Variants in PIEZO2 observed in about 807,000 individuals in gnomAD.
PIEZO2 encodes piezo type mechanosensitive ion channel component 2.
A neutral mutation model predicts 337.3 loss-of-function variants in PIEZO2; 172 were observed. The observed-to-expected ratio is 0.51, with a 90% CI of 0.45 to 0.58. The LOEUF is 0.58. Ranked by LOEUF, PIEZO2 falls within the 20% of genes least tolerant of loss-of-function variation. The pLI is 0.00. For synonymous variants in PIEZO2, 1,251 were observed against 1,228.5 expected (o/e 1.02, Z -0.38); for missense variants, 3,028 against 3,391.3 (o/e 0.89, Z 2.66).
At chr18:10,948,204 A>C (rs1442851516) in intron 3 of PIEZO2, among the ~76,000 whole-genome samples, 4 of 152,168 alleles carry the variant, frequency 2.6e-5, no homozygotes, top group Non-Finnish European at 5.9e-5. Flanking sequence ...ATATATAATA[A>C]AAATTTAAAT....
At chr18:10,720,425 A>G (rs1246355452) in intron 36 of PIEZO2, among the ~76,000 whole-genome samples, 79 of 1,830 alleles carry the variant, frequency 0.043, no homozygotes, top group South Asian at 0.086. Flanking sequence ...GTATGTATAT[A>G]TATATATATA....
At chr18:10,708,993 T>C (rs2035706045) in intron 39 of PIEZO2, among the ~76,000 whole-genome samples, 1 of 152,184 alleles carries the variant, frequency 6.6e-6, no homozygotes, top group Non-Finnish European at 1.5e-5. Flanking sequence ...TTTGGAGTGA[T>C]ATTCAGTTAA....
At chr18:11,050,536 C>T (rs903943899) in intron 2 of PIEZO2, among the ~76,000 whole-genome samples, 1 of 151,194 alleles carries the variant, frequency 6.6e-6, no homozygotes, top group African/African-American at 2.4e-5. Flanking sequence ...CACACACACA[C>T]ACACACACAC....
chr18:10,890,000 T>A (rs922026280), intron 4 of PIEZO2, among the ~76,000 whole-genome samples: 1 of 152,216 alleles, frequency 6.6e-6, no homozygotes, highest in Non-Finnish European at 1.5e-5. Flanking sequence ...TGTCCATAAT[T>A]ATACACAGCC....
At chr18:11,053,282 C>G (rs935272602) in intron 2 of PIEZO2, among the ~76,000 whole-genome samples, 1 of 151,962 alleles carries the variant, frequency 6.6e-6, no homozygotes, top group Admixed American at 6.6e-5. Context: ...GAGTAGTACA[C>G]CAAAAAAACC....
chr18:11,047,201 C>T lies in PIEZO2; in HGVS notation c.160+18926G>A, dbSNP rs995527495. On this transcript the variant is annotated intron_variant, in intron 2 of 55. Transcript: ENST00000674853. This position sits in a 1 kb window ranked among gnomAD's most constrained non-coding sequence, Gnocchi z 7.2. Reference sequence around the variant, plus strand: ...GCATGGTACCTCCCACCACTGCTGCCCTTGCTCTCAGAGAATGGACGCAAA... The same window carrying T: ...GCATGGTACCTCCCACCACTGCTGCTCTTGCTCTCAGAGAATGGACGCAAA... Among the ~76,000 whole-genome samples, 9 of 152,310 alleles carry T rather than the reference C, an allele frequency of 5.9e-5. No homozygotes were observed. The highest frequency in any genetic ancestry group is 2.2e-4 in the African/African-American group (9 of 41,572).
In PIEZO2 at chr18:10,763,043, G is replaced by A; in HGVS notation, c.3002C>T (p.Ala1001Val). 1 of 1,537,340 alleles carries A rather than the reference G, an allele frequency of 6.5e-7. No homozygotes were observed. The highest frequency in any genetic ancestry group is 8.7e-7 in the Non-Finnish European group (1 of 1,146,928). Residue 1001 changes from alanine (A) to valine (V), a missense_variant, in exon 22 of 56, where the codon GCC becomes GTC. By Grantham distance (64) the Ala-to-Val change is moderately conservative (BLOSUM62 0). Around this residue, in one of 5 missense-constraint regions of PIEZO2, gnomAD observed 1,925 missense variants for 2,051.9 expected, o/e 0.94. Coordinates refer to ENST00000674853, the MANE Select transcript of PIEZO2 (RefSeq NM_001378183.1). Reference protein sequence around the residue: ...LISWAFALPYAKLRRLASSVC... With the variant: ...LISWAFALPYVKLRRLASSVC... ...ACTTGAAGCCAGACGGCGCAGCTTG[G>A]CGTACGGCAGAGCAAAAGCCCAAGA...
At chr18:10,968,541 C>T (rs193202807) in intron 3 of PIEZO2, among the ~76,000 whole-genome samples, 1 of 152,178 alleles carries the variant, frequency 6.6e-6, no homozygotes, top group African/African-American at 2.4e-5. Flanking sequence ...ATCTTACTCT[C>T]CAGTGTTACT....
At position 11,094,812 on chromosome 18, in the gene PIEZO2, C is replaced by T. The variant is rs1022315170; in HGVS notation, c.65-28590G>A. On this transcript the variant is annotated intron_variant, in intron 1 of 55. Transcript: ENST00000674853. The surrounding 1 kb of genome is among the most constrained non-coding windows in gnomAD (Gnocchi z 4.4). ...TTCCAGTTCTCATAAAAATGTCTCTCCTTTGTAAACATTAGTCTGCAGATT... is the reference window on the plus strand; with the variant it reads ...TTCCAGTTCTCATAAAAATGTCTCTTCTTTGTAAACATTAGTCTGCAGATT... Among the ~76,000 whole-genome samples, 30 of 152,214 alleles carry T rather than the reference C, an allele frequency of 2.0e-4. No individual in the cohort carries two copies. Among genetic ancestry groups the T allele is most frequent in the Admixed American group, 1.5e-3 (23 of 15,278 alleles).
In PIEZO2 at chr18:10,872,449, T is replaced by C. The variant is rs1400571045; in HGVS notation, c.330-1034A>G. Among the ~76,000 whole-genome samples the C allele has an allele frequency of 1.3e-5, 2 of 152,186 alleles. No homozygotes were observed. The highest frequency in any genetic ancestry group is 6.5e-5 in the Admixed American group (1 of 15,284). ...ATGAATATGGGAATGAGAGGCAGTA[T>C]ACTGAGTTGCCAGCATAGTTGGCCA... On this transcript the variant is annotated intron_variant, in intron 4 of 55. Transcript: ENST00000674853. The surrounding 1 kb of genome is among the most constrained non-coding windows in gnomAD (Gnocchi z 4.3).
At chr18:11,082,058 C>A (rs1445238437) in intron 1 of PIEZO2, among the ~76,000 whole-genome samples, 2 of 151,982 alleles carry the variant, frequency 1.3e-5, no homozygotes, top group Non-Finnish European at 2.9e-5. Flanking sequence ...CTGCGCCCGG[C>A]CTCAACTTCA....
In PIEZO2 at chr18:10,770,135, A is replaced by T. The variant is rs2143967385; in HGVS notation, c.2946+13T>A. ...TTCTGTTCAGCCTGATGATAGGACA[A>T]ATGTTCACTTGCCTCTTTCACAGAA... On this transcript the variant is annotated intron_variant, in intron 21 of 55. Transcript: ENST00000674853. The T allele has an allele frequency of 5.2e-6, 8 of 1,537,006 alleles. No homozygotes were observed. Among genetic ancestry groups the T allele is most frequent in the Non-Finnish European group, 7.0e-6 (8 of 1,146,790 alleles).
chr18:10,958,110 C>G (rs2033618580), intron 3 of PIEZO2, among the ~76,000 whole-genome samples: 1 of 152,070 alleles, frequency 6.6e-6, no homozygotes, highest in African/African-American at 2.4e-5. Flanking sequence ...GTAGTGGCTC[C>G]TCAAAACCTG....
chr18:10,933,655 C>T (rs912466872), intron 3 of PIEZO2, among the ~76,000 whole-genome samples: 3 of 152,116 alleles, frequency 2.0e-5, no homozygotes, highest in Non-Finnish European at 4.4e-5. Context: ...GCCAGGCAGA[C>T]GTGTCATGGA....
chr18:10,898,907 T>C (rs264174), intron 4 of PIEZO2, among the ~76,000 whole-genome samples: 141,001 of 152,224 alleles, frequency 0.93, 65,356 homozygotes, highest in East Asian at 1. Context: ...AAGGATTAAG[T>C]AAACATACGA....
At position 10,704,563 on chromosome 18, in the gene PIEZO2, G is replaced by A. The variant is rs1280736752; in HGVS notation, c.6089C>T (p.Thr2030Ile). 2 of 1,537,260 alleles carry A rather than the reference G, an allele frequency of 1.3e-6. No homozygotes were observed. The highest frequency in any genetic ancestry group is 2.4e-5 in the South Asian group (2 of 84,066). Residue 2030 changes from threonine to isoleucine, a missense_variant, in exon 42 of 56, where the codon ACC (threonine) becomes ATC (isoleucine). Coordinates refer to ENST00000674853, the MANE Select transcript of PIEZO2 (RefSeq NM_001378183.1). ...CACCATCTCCGAGCGGGCCACCAGG[G>A]TATTGTACATGGCATAGAAGAGCAG... ...FLLLFYAMYN[T>I]LVARSEMVCY...
chr18:10,944,171 A>G (rs1424077527), intron 3 of PIEZO2, among the ~76,000 whole-genome samples: 1 of 152,186 alleles, frequency 6.6e-6, no homozygotes, highest in Non-Finnish European at 1.5e-5. Context: ...AAATATTTAA[A>G]ACAAATACTC....
At chr18:10,972,330 T>C (rs1420738571) in intron 3 of PIEZO2, among the ~76,000 whole-genome samples, 1 of 152,168 alleles carries the variant, frequency 6.6e-6, no homozygotes, top group Non-Finnish European at 1.5e-5. Flanking sequence ...TAGTGAATAA[T>C]ATATTTATTA....
At chr18:10,817,437 T>C (rs1273855757) in intron 7 of PIEZO2, among the ~76,000 whole-genome samples, 4 of 152,206 alleles carry the variant, frequency 2.6e-5, no homozygotes, top group Admixed American at 2.6e-4. Context: ...TAAAGCTAGA[T>C]ACATGGCACT....
Sources: allele counts gnomAD v4.1 joint callset (sites outside exome capture counted in the v4.1 genomes callset), GRCh38; gene constraint gnomAD v4.1.1; regional missense constraint gnomAD v4.1.1; non-coding constraint Gnocchi (gnomAD v3.1); transcripts MANE v1.5; gene names NCBI Gene and HGNC (gene_info 2026-07-23, HGNC 2026-07-21).